PREX2: variants seen among roughly 807,000 people sequenced by gnomAD.
PREX2 encodes phosphatidylinositol 3,4,5-trisphosphate-dependent Rac exchanger 2 protein.
Under a neutral mutation model 203.2 loss-of-function variants are expected in PREX2, and 107 were observed. That is an observed-to-expected ratio of 0.53 (90% CI 0.45 to 0.62). The LOEUF is 0.62. Among genes scored for constraint, PREX2 ranks in the 20% least tolerant of loss-of-function variants. The probability of loss-of-function intolerance (pLI) is 0.00; values close to 1 mark genes in which losing one functional copy is unlikely to be tolerated. For synonymous variants in PREX2, 672 were observed against 663.6 expected (o/e 1.01, Z -0.19); for missense variants, 1,777 against 1,955.9 (o/e 0.91, Z 1.72).
chr8:68,204,678 C>CTTTTTTTTTTTTTTTTTTTTTTTTTT (rs1192583427), intron 37 of PREX2, among the ~76,000 whole-genome samples: 1 of 83,426 alleles, frequency 1.2e-5, no homozygotes, highest in Non-Finnish European at 2.2e-5. Context: ...TTTCTTCTTT[C>CTTTTTTTTTTTTTTTTTTTTTTTTTT]TTTTTTTTTT....
chr8:68,163,659 T>A (rs1811696192), intron 35 of PREX2, among the ~76,000 whole-genome samples: 1 of 152,164 alleles, frequency 6.6e-6, no homozygotes, highest in South Asian at 2.1e-4. Flanking sequence ...GCAATTAGAT[T>A]TTTTTAAATC....
In PREX2 at chr8:68,157,432, C is replaced by T. The variant is rs1811562773; in HGVS notation, c.4342C>T (p.Leu1448Phe). The change falls in exon 35 of 40, where the codon CTC becomes TTC. Residue 1448 changes from leucine to phenylalanine, a missense_variant. Physicochemically the swap from Leu to Phe is conservative, Grantham distance 22. Transcript: ENST00000288368. The part of the protein sequence containing the change: ...LEKVKQYNQK[L>F]RAFYLDKSNS... ...AAAGGTCAAACAGTACAACCAGAAG[C>T]TCAGGTATGTAACAATCCAACTGAA... 5.1e-6 allele frequency: 8 copies of T among 1,579,758 alleles called. No homozygotes were observed. The highest frequency in any genetic ancestry group is 1.3e-5 in the African/African-American group (1 of 74,200).
intron 7 of PREX2, 144 bp downstream of exon 7, chr8:68,038,436 T>C (rs1808099227): frequency 2.6e-6 from 2 of 766,618 alleles, no homozygotes; most frequent in African/African-American, 3.5e-5. Flanking sequence ...AGTGCATTTC[T>C]TCACATATAT....
chr8:68,003,842 CTTT>C (rs148890144), intron 1 of PREX2, among the ~76,000 whole-genome samples: 5 of 90,616 alleles, frequency 5.5e-5, no homozygotes, highest in Admixed American at 2.7e-4. Flanking sequence ...CTGGCCTGAC[CTTT>C]TTTTTTTTTT....
chr8:68,139,119 G>A (rs796793701), intron 33 of PREX2, among the ~76,000 whole-genome samples: 74 of 152,214 alleles, frequency 4.9e-4, no homozygotes, highest in African/African-American at 1.6e-3. Context: ...TTAAGTTAAG[G>A]TGAGGAGAGA....
rs977696506 is a variant in PREX2 at position 67,952,387 on chromosome 8, C to A, written c.-8C>A. The A allele has an allele frequency of 6.5e-7, 1 of 1,532,838 alleles. No individual in the cohort carries two copies. Among genetic ancestry groups the A allele is most frequent in the East Asian group, 2.6e-5 (1 of 38,744 alleles). The allele number at this position is 1,532,838 out of a possible 1,614,324, so 95.0% of individuals were successfully genotyped here. On this transcript the variant is annotated 5_prime_UTR_variant, in exon 1 of 40. Coordinates refer to ENST00000288368, the MANE Select transcript of PREX2 (RefSeq NM_024870.4). Reference sequence around the variant, plus strand: ...CGGGCAGCGCCGCGCTGCGCACCGCCGCCGACCATGAGCGAGGACAGCCGC... The same window carrying A: ...CGGGCAGCGCCGCGCTGCGCACCGCAGCCGACCATGAGCGAGGACAGCCGC...
rs772153927 is a variant in PREX2, at chr8:68,097,197, C to T, written c.2549C>T (p.Ala850Val). 2.5e-6 allele frequency: 4 copies of T among 1,610,844 alleles called. No homozygotes were observed. Among genetic ancestry groups the T allele is most frequent in the Non-Finnish European group, 3.4e-6 (4 of 1,177,822 alleles). Residue 850 changes from alanine to valine, a missense_variant, in exon 22 of 40, where the codon GCC becomes GTC. Physicochemically the swap from Ala to Val is moderately conservative, Grantham distance 64. Transcript: ENST00000288368. ...CCCAAAGGTTTCTTCAGCTTAACTGCCAAGGTAGGAGCGATGCTGAAGAAA... is the reference window on the plus strand; with the variant it reads ...CCCAAAGGTTTCTTCAGCTTAACTGTCAAGGTAGGAGCGATGCTGAAGAAA... ...IEPKGFFSLT[A>V]KILEALAKSD...
chr8:68,005,214 C>A (rs566623181), intron 1 of PREX2, among the ~76,000 whole-genome samples: 176 of 152,294 alleles, frequency 1.2e-3, no homozygotes, highest in African/African-American at 4.0e-3. Flanking sequence ...TGATTTCTCT[C>A]TTCCGCTCAC....
chr8:67,982,096 GA>G (rs1439801319), intron 1 of PREX2, among the ~76,000 whole-genome samples: 1 of 152,166 alleles, frequency 6.6e-6, no homozygotes, highest in Non-Finnish European at 1.5e-5. Context: ...GTGACCTCAG[GA>G]AAGTTATGTA....
At chr8:68,113,331 A>G (rs1260882824) in intron 25 of PREX2, among the ~76,000 whole-genome samples, 1 of 152,226 alleles carries the variant, frequency 6.6e-6, no homozygotes, top group African/African-American at 2.4e-5. Flanking sequence ...AATTTAAAAG[A>G]TACATAAGCA....
At chr8:67,982,984 C>T (rs1347495305) in intron 1 of PREX2, among the ~76,000 whole-genome samples, 1 of 152,194 alleles carries the variant, frequency 6.6e-6, no homozygotes, top group African/African-American at 2.4e-5. Context: ...TGCAGGTCCT[C>T]AAATCTTTAT....
intron 37 of PREX2, among the ~76,000 whole-genome samples, chr8:68,210,705 A>G (rs553993268): frequency 2.0e-5 from 3 of 152,316 alleles, no homozygotes; most frequent in African/African-American, 7.2e-5. Flanking sequence ...AGGCAGTAGT[A>G]GGCTTCTGGA....
Position 68,074,566 on chromosome 8 carries a change from A to C in PREX2, c.1569+1996A>C, listed in dbSNP as rs538287126. On this transcript the variant is annotated intron_variant, in intron 14 of 39. Transcript: ENST00000288368. ...TCAACATAATCAACTCTGATTGCTT[A>C]ACTTCTGATTAGGACCACATAGGCT... Among the ~76,000 whole-genome samples, 80 of 152,354 alleles carry C rather than the reference A, an allele frequency of 5.3e-4. 1 individual carries two copies. In the South Asian group the frequency reaches 0.016, roughly 31 times the overall value.
chr8:68,081,852 G>A (rs1369450691), intron 17 of PREX2, among the ~76,000 whole-genome samples: 1 of 146,816 alleles, frequency 6.8e-6, no homozygotes, highest in African/African-American at 2.5e-5. Context: ...ATGCCACCAG[G>A]CCCAGCTGAT....
chr8:68,054,485 T>C (rs1289900303), intron 9 of PREX2, among the ~76,000 whole-genome samples: 1 of 152,154 alleles, frequency 6.6e-6, no homozygotes, highest in Non-Finnish European at 1.5e-5. Context: ...TATTTATGAA[T>C]AAAGACAAAT....
At chr8:68,102,857 C>G (rs1394502751) in intron 23 of PREX2, 1 of 518,412 alleles carries the variant, frequency 1.9e-6, no homozygotes, top group Non-Finnish European at 3.8e-6. Context: ...GAAACCTGGT[C>G]AGACCTTACT....
intron 34 of PREX2, among the ~76,000 whole-genome samples, chr8:68,152,157 C>T (rs1391190286): frequency 2.0e-5 from 3 of 151,628 alleles, no homozygotes; most frequent in African/African-American, 7.3e-5. Flanking sequence ...GGCCTGGTGG[C>T]GGGCATCTGT....
intron 5 of PREX2, among the ~76,000 whole-genome samples, chr8:68,028,386 TC>T (rs1406223510): frequency 6.6e-6 from 1 of 152,048 alleles, no homozygotes; most frequent in African/African-American, 2.4e-5. Context: ...CTACTTGGCA[TC>T]TAAACTTCAC....
intron 1 of PREX2, among the ~76,000 whole-genome samples, chr8:67,969,658 G>A (rs1805869392): frequency 6.6e-6 from 1 of 152,148 alleles, no homozygotes; most frequent in South Asian, 2.1e-4. Flanking sequence ...TATGATTATT[G>A]TATAATTTAG....
Sources: gnomAD v4.1 joint callset for allele counts (sites outside exome capture counted in the v4.1 genomes callset) on GRCh38, gnomAD v4.1.1 for gene constraint, MANE v1.5 for transcripts, NCBI Gene and HGNC (gene_info 2026-07-23, HGNC 2026-07-21) for gene names.